The following EMC2 variants were observed in gnomAD, a reference collection of about 807,000 sequenced individuals.
The protein encoded by EMC2 is TPR repeat protein 35.
EMC2 carries 37 observed loss-of-function variants against 51.6 expected under a neutral mutation model. The ratio of observed to expected loss-of-function variants is 0.72; its 90% CI spans 0.55 to 0.94. The LOEUF (loss-of-function observed/expected upper bound fraction) is 0.94. EMC2 is among the 40% of genes least tolerant of loss of function. EMC2 has a pLI of 0.00. For missense variants in EMC2, 359 were observed against 350.9 expected, an observed-to-expected ratio of 1.02 and a Z score of -0.18; for synonymous variants, 131 against 112.4, an observed-to-expected ratio of 1.17 and a Z score of -1.04.
Position 108,469,678 on chromosome 8 carries a change from G to A in EMC2, c.364-148G>A, listed in dbSNP as rs982910320. ...TTTGAATTCCCCAGTGGGATGTCAT[G>A]GGGTATGTTTATAAACTCCCACTAA... On this transcript the variant is annotated intron_variant, in intron 5 of 10. Transcript: ENST00000220853. The A allele has an allele frequency of 6.7e-6, 4 of 600,696 alleles. No homozygotes were observed. The Admixed American group carries it at 1.2e-4, about 18-fold the overall frequency. The allele number at this position is 600,696 out of a possible 1,614,324, so 37.2% of individuals were successfully genotyped here.
intron 6 of EMC2, 63 bp downstream of exon 6, chr8:108,469,974 A>C: frequency 6.5e-7 from 1 of 1,536,034 alleles, no homozygotes; most frequent in African/African-American, 1.4e-5. Context: ...ATTAAAATGG[A>C]ATTTGCATTT....
intron 5 of EMC2, among the ~76,000 whole-genome samples, chr8:108,460,285 A>T (rs1819285961): frequency 6.6e-6 from 1 of 152,226 alleles, no homozygotes; most frequent in African/African-American, 2.4e-5. Context: ...CTATAAGATA[A>T]TATGTGATTA....
chr8:108,465,204 G>A (rs1351401), intron 5 of EMC2, among the ~76,000 whole-genome samples: 104,043 of 152,118 alleles, frequency 0.68, 36,156 homozygotes, highest in African/African-American at 0.81. Flanking sequence ...GTTTGAAACA[G>A]ATTATATAGG....
At chr8:108,462,446 C>A (rs1298977018) in intron 5 of EMC2, among the ~76,000 whole-genome samples, 1 of 152,134 alleles carries the variant, frequency 6.6e-6, no homozygotes, top group Non-Finnish European at 1.5e-5. Context: ...GATATTTCCT[C>A]TCAGAAACAG....
At chr8:108,476,719 A>T in intron 8 of EMC2, 63 bp from the exon 9 acceptor site, 2 of 761,436 alleles carry the variant, frequency 2.6e-6, no homozygotes, top group Non-Finnish European at 4.8e-6. Flanking sequence ...TGGTATGATG[A>T]AACCATGCTA....
At chr8:108,447,913 C>T (rs181413828) in intron 1 of EMC2, among the ~76,000 whole-genome samples, 1 of 152,118 alleles carries the variant, frequency 6.6e-6, no homozygotes, top group Admixed American at 6.5e-5. Context: ...GAGGCTGAAA[C>T]AGTTACCAGA....
In EMC2 at chr8:108,479,050, GA is replaced by G; in HGVS notation, c.752del (p.Lys251ArgfsTer4). 1 of 1,585,418 alleles carries G rather than the reference GA, an allele frequency of 6.3e-7. No homozygotes were observed. Among genetic ancestry groups the G allele is most frequent in the African/African-American group, 1.4e-5 (1 of 73,668 alleles). ...ASNPKASAKT[K>X]KDNMKYASWA... ...CTAATCCAAAAGCAAGTGCAAAAAC[GA>G]AAAAGGACAACATGAAATATGCTAG... On this transcript the variant is annotated frameshift_variant, in exon 10 of 11. Transcript: ENST00000220853. LOFTEE classifies it high-confidence loss of function.
rs745859929 is a variant in EMC2 at position 108,476,873 on chromosome 8, C to T, written c.683C>T (p.Ala228Val). ...AAACTGAACAACAGAAATATGAGAG[C>T]TTTGTTTGGACTTTATATGGTGAGT... ...ALKLNNRNMR[A>V]LFGLYMSASH... Residue 228 changes from alanine (A) to valine (V), a missense_variant, in exon 9 of 11, where the codon GCT becomes GTT. Transcript: ENST00000220853. 1 of 1,565,670 alleles carries T rather than the reference C, an allele frequency of 6.4e-7. No individual in the cohort carries two copies. The highest frequency in any genetic ancestry group is 2.3e-5 in the East Asian group (1 of 44,430).
intron 1 of EMC2, among the ~76,000 whole-genome samples, chr8:108,448,100 T>C (rs1586173655): frequency 6.6e-6 from 1 of 152,082 alleles, no homozygotes; most frequent in Non-Finnish European, 1.5e-5. Context: ...GTGTATACCC[T>C]TATCTAAGGG....
chr8:108,456,771 C>T (rs1006723594), intron 5 of EMC2, among the ~76,000 whole-genome samples: 1 of 152,132 alleles, frequency 6.6e-6, no homozygotes, highest in Non-Finnish European at 1.5e-5. Context: ...TCAGACTTAA[C>T]CTTTTAACTA....
intron 1 of EMC2, among the ~76,000 whole-genome samples, chr8:108,444,853 C>T (rs538202016): frequency 6.6e-6 from 1 of 152,150 alleles, no homozygotes; most frequent in African/African-American, 2.4e-5. Context: ...GTCCCCACTT[C>T]CAAGGAAGTC....
At chr8:108,478,416 A>G (rs2130407007) in intron 9 of EMC2, among the ~76,000 whole-genome samples, 1 of 152,130 alleles carries the variant, frequency 6.6e-6, no homozygotes, top group East Asian at 1.9e-4. Flanking sequence ...CAGTTTGAAA[A>G]CTCATGGTAT....
intron 5 of EMC2, among the ~76,000 whole-genome samples, chr8:108,466,551 C>T (rs1819472673): frequency 6.7e-6 from 1 of 148,684 alleles, no homozygotes; most frequent in African/African-American, 2.5e-5. Flanking sequence ...CTCCTGGGCT[C>T]AAGCGATCTC....
At chr8:108,484,501 T>C (rs999915351) in intron 10 of EMC2, among the ~76,000 whole-genome samples, 1 of 152,066 alleles carries the variant, frequency 6.6e-6, no homozygotes, top group African/African-American at 2.4e-5. Flanking sequence ...AAGATCACAC[T>C]GTATTATTTT....
At position 108,486,817 on chromosome 8, in the gene EMC2, A is replaced by C. The variant is rs1811150750; in HGVS notation, c.*219A>C. ...TGGAAGAGAGATTTAAGACTTATTG[A>C]TTGTACATCAGTCTCTTCATATCAC... is the stretch of plus-strand genomic sequence containing the variant. On this transcript the variant is annotated 3_prime_UTR_variant, in exon 11 of 11. Coordinates refer to ENST00000220853, the MANE Select transcript of EMC2 (RefSeq NM_014673.5). 4.9e-6 allele frequency: 2 copies of C among 407,222 alleles called. No homozygotes were observed. The highest frequency in any genetic ancestry group is 8.6e-6 in the Non-Finnish European group (2 of 231,712). 25.2% of individuals were successfully genotyped at this position (407,222 alleles called of 1,614,324 possible).
At chr8:108,472,182 T>C (rs1033037966) in intron 7 of EMC2, among the ~76,000 whole-genome samples, 6 of 152,034 alleles carry the variant, frequency 3.9e-5, no homozygotes, top group Admixed American at 3.3e-4. Context: ...TATCACCTTT[T>C]CCCCCTACTT....
intron 5 of EMC2, among the ~76,000 whole-genome samples, chr8:108,469,440 G>A (rs183385331): frequency 1.4e-3 from 215 of 152,184 alleles, no homozygotes; most frequent in Admixed American, 3.5e-3. Context: ...CCATGCCATG[G>A]TGAGATTTTT....
At chr8:108,462,383 A>G (rs188422405) in intron 5 of EMC2, among the ~76,000 whole-genome samples, 5 of 152,280 alleles carry the variant, frequency 3.3e-5, no homozygotes, top group African/African-American at 7.2e-5. Context: ...GTCTTGATGA[A>G]AAAGTTTCTT....
intron 7 of EMC2, chr8:108,474,362 A>G (rs1810910004): frequency 6.6e-6 from 1 of 152,010 alleles, no homozygotes; most frequent in Non-Finnish European, 1.5e-5. Flanking sequence ...TGTTTAAGGT[A>G]GAGACAAATT....
Sources: gnomAD v4.1 joint callset for allele counts (sites outside exome capture counted in the v4.1 genomes callset) on GRCh38, gnomAD v4.1.1 for gene constraint, MANE v1.5 for transcripts, NCBI Gene and HGNC (gene_info 2026-07-23, HGNC 2026-07-21) for gene names.